REDIC1: variants seen among roughly 807,000 people sequenced by gnomAD.
REDIC1 encodes HEI10 Interacting Protein 1.
chr12:39,838,271 C>T, the REDIC1 span, among the ~76,000 whole-genome samples: 5 of 147,110 alleles, frequency 3.4e-5, no homozygotes, highest in African/African-American at 1.0e-4. Context: ...TATTCTCACT[C>T]GTAGGTGGGA....
chr12:39,682,492 C>A, the REDIC1 span: 1 of 553,608 alleles, frequency 1.8e-6, no homozygotes, highest in Middle Eastern at 5.3e-4. Flanking sequence ...AAAATAAAAA[C>A]ATAGTCTAGG....
the REDIC1 span, among the ~76,000 whole-genome samples, chr12:39,635,250 C>G: frequency 6.6e-6 from 1 of 152,122 alleles, no homozygotes; most frequent in South Asian, 2.1e-4. Context: ...CCTCAAGGAT[C>G]TAGAACTAGA....
chr12:39,751,474 C>T, the REDIC1 span, among the ~76,000 whole-genome samples: 1 of 152,162 alleles, frequency 6.6e-6, no homozygotes, highest in Non-Finnish European at 1.5e-5. Flanking sequence ...CTAGTTCAAC[C>T]ATTGTGGAAG....
At chr12:39,626,362 A>G in the REDIC1 span, 1 of 1,613,988 alleles carries the variant, frequency 6.2e-7, no homozygotes, top group African/African-American at 1.3e-5. Flanking sequence ...GGGTCCCGGT[A>G]AGTTGTGCAG....
chr12:39,692,016 T>G, the REDIC1 span: 5 of 1,520,716 alleles, frequency 3.3e-6, no homozygotes, highest in Non-Finnish European at 3.6e-6. Flanking sequence ...TTATGTATAC[T>G]TAGGAATTGT....
chr12:39,646,740 CTA>C, the REDIC1 span: 4 of 746,586 alleles, frequency 5.4e-6, no homozygotes, highest in African/African-American at 7.4e-5. Flanking sequence ...ACTTAGGTTT[CTA>C]TATGTTTTGT....
the REDIC1 span, among the ~76,000 whole-genome samples, chr12:39,794,848 C>T: frequency 1.3e-5 from 2 of 152,130 alleles, no homozygotes; most frequent in African/African-American, 4.8e-5. Flanking sequence ...ATTTTCTCTC[C>T]ACGCATGAAG....
At chr12:39,778,149 G>A in the REDIC1 span, among the ~76,000 whole-genome samples, 5 of 152,152 alleles carry the variant, frequency 3.3e-5, no homozygotes, top group Admixed American at 3.3e-4. Context: ...CACACACCCT[G>A]CGAGGGGGAC....
the REDIC1 span, among the ~76,000 whole-genome samples, chr12:39,651,919 A>G: frequency 2.0e-5 from 3 of 151,976 alleles, no homozygotes; most frequent in Admixed American, 2.0e-4. Context: ...ACCTATCCCA[A>G]AGCAACCACT....
chr12:39,827,005 C>T, the REDIC1 span, among the ~76,000 whole-genome samples: 4 of 146,894 alleles, frequency 2.7e-5, no homozygotes, highest in Non-Finnish European at 6.0e-5. Flanking sequence ...CTTTTAATGG[C>T]AAAAAGTAAT....
chr12:39,660,606 G>A, the REDIC1 span, among the ~76,000 whole-genome samples: 1 of 151,972 alleles, frequency 6.6e-6, no homozygotes, highest in African/African-American at 2.4e-5. Flanking sequence ...AATCAGGTCA[G>A]GGTATTTAGG....
the REDIC1 span, among the ~76,000 whole-genome samples, chr12:39,727,957 CT>C: frequency 6.6e-6 from 1 of 152,052 alleles, no homozygotes; most frequent in Non-Finnish European, 1.5e-5. Flanking sequence ...CTCTGTTTGT[CT>C]ATTATTGGTG....
the REDIC1 span, among the ~76,000 whole-genome samples, chr12:39,875,042 T>C: frequency 6.6e-6 from 1 of 152,178 alleles, no homozygotes; most frequent in Non-Finnish European, 1.5e-5. Flanking sequence ...ATTTTCATCT[T>C]CCTTTCTCTA....
chr12:39,708,238 C>A, the REDIC1 span, among the ~76,000 whole-genome samples: 1 of 151,778 alleles, frequency 6.6e-6, no homozygotes, highest in Admixed American at 6.6e-5. Context: ...GATTATTATA[C>A]ATTGTATCCT....
chr12:39,785,059 G>T, the REDIC1 span, among the ~76,000 whole-genome samples: 1 of 152,166 alleles, frequency 6.6e-6, no homozygotes, highest in Non-Finnish European at 1.5e-5. Flanking sequence ...CCATTTTCTG[G>T]GGAGAAATTC....
chr12:39,768,834 T>C, the REDIC1 span, among the ~76,000 whole-genome samples: 20 of 152,064 alleles, frequency 1.3e-4, no homozygotes, highest in Non-Finnish European at 1.6e-4. Flanking sequence ...ATTGGAAATA[T>C]GGTGACAATA....
chr12:39,795,912 T>G, the REDIC1 span, among the ~76,000 whole-genome samples: 1 of 152,174 alleles, frequency 6.6e-6, no homozygotes, highest in Non-Finnish European at 1.5e-5. Flanking sequence ...AATTCATCCT[T>G]TTAAAGCATA....
the REDIC1 span, among the ~76,000 whole-genome samples, chr12:39,635,833 T>A: frequency 6.6e-6 from 1 of 152,044 alleles, no homozygotes; most frequent in South Asian, 2.1e-4. Context: ...TTTTATGGTA[T>A]TTATAATATT....
At chr12:39,711,518 T>C in the REDIC1 span, among the ~76,000 whole-genome samples, 2 of 138,454 alleles carry the variant, frequency 1.4e-5, no homozygotes, top group Non-Finnish European at 3.1e-5. Context: ...TGTGTATATA[T>C]GTGTATATGT....
Sources: gnomAD v4.1 joint callset for allele counts (sites outside exome capture counted in the v4.1 genomes callset) on GRCh38, gnomAD v4.1.1 for gene constraint, MANE v1.5 for transcripts, NCBI Gene and HGNC (gene_info 2026-07-23, HGNC 2026-07-21) for gene names.